The following NFIB variants were observed in gnomAD, a reference collection of about 807,000 sequenced individuals.
NFIB encodes nuclear factor I B.
Under a neutral mutation model 61.5 loss-of-function variants are expected in NFIB, and 11 were observed. The ratio of observed to expected loss-of-function variants is 0.18; its 90% confidence interval spans 0.11 to 0.30. The LOEUF is 0.30. Among genes scored for constraint, NFIB ranks in the 10% least tolerant of loss-of-function variants. The pLI, the probability that NFIB is intolerant of heterozygous loss-of-function variation, is 1.00. For missense variants in NFIB, 471 were observed against 608.9 expected, an observed-to-expected ratio of 0.77 and a Z score of 2.38; for synonymous variants, 260 against 216.5, an observed-to-expected ratio of 1.20 and a Z score of -1.76.
At chr9:14,189,347 C>A (rs1017164372) in intron 2 of NFIB, among the ~76,000 whole-genome samples, 23 of 152,222 alleles carry the variant, frequency 1.5e-4, no homozygotes, top group African/African-American at 5.5e-4. Flanking sequence ...TATCCGGCAA[C>A]TGCCAAGCAC....
the NFIB span, among the ~76,000 whole-genome samples, chr9:14,475,240 G>T: frequency 2.6e-5 from 4 of 152,328 alleles, no homozygotes; most frequent in African/African-American, 7.2e-5. Context: ...ACTTGCCCAT[G>T]GTCACAGAGC....
At position 14,313,426 on chromosome 9, in the gene NFIB, A is replaced by T; in HGVS notation, c.30+56T>A. ...GCCGCTAATTGTCCGCAACAAAACA[A>T]AACAAAGGCATTTCGGGCCAGAGAG... On this transcript the variant is annotated intron_variant, in intron 1 of 10. Transcript: ENST00000380953. This position sits in a 1 kb window ranked among gnomAD's most constrained non-coding sequence, Gnocchi z 4.5. 6.2e-7 allele frequency: 1 copy of T among 1,612,672 alleles called. No homozygotes were observed. Among genetic ancestry groups the T allele is most frequent in the Non-Finnish European group, 8.5e-7 (1 of 1,179,184 alleles).
At chr9:14,502,276 T>C in the NFIB span, among the ~76,000 whole-genome samples, 1 of 152,220 alleles carries the variant, frequency 6.6e-6, no homozygotes, top group Non-Finnish European at 1.5e-5. Context: ...TGTTTATGTA[T>C]AGTTTTTCCA....
chr9:14,513,614 C>T, the NFIB span, among the ~76,000 whole-genome samples: 9 of 130,658 alleles, frequency 6.9e-5, no homozygotes, highest in Middle Eastern at 0.011. Context: ...GGTGACAGAG[C>T]GAGACTCCAT....
intron 2 of NFIB, among the ~76,000 whole-genome samples, chr9:14,275,059 T>C (rs2057901567): frequency 6.6e-6 from 1 of 152,182 alleles, no homozygotes; most frequent in Admixed American, 6.5e-5. Context: ...AGATCTATGA[T>C]AAAATCCAGT....
At chr9:14,221,413 AG>A (rs1287175722) in intron 2 of NFIB, among the ~76,000 whole-genome samples, 1 of 152,234 alleles carries the variant, frequency 6.6e-6, no homozygotes, top group Non-Finnish European at 1.5e-5. Context: ...GCTAGATTTA[AG>A]CCATGAAATA....
intron 2 of NFIB, among the ~76,000 whole-genome samples, chr9:14,272,196 T>TC (rs939892232): frequency 1.4e-4 from 22 of 152,176 alleles, no homozygotes; most frequent in African/African-American, 5.1e-4. Context: ...ACCTCTTTTT[T>TC]CCCCCACATA....
At chr9:14,500,003 AC>A in the NFIB span, among the ~76,000 whole-genome samples, 6 of 151,890 alleles carry the variant, frequency 4.0e-5, no homozygotes, top group South Asian at 1.2e-3. Context: ...CCAGTATAGT[AC>A]CCGTCGGAGA....
At chr9:14,425,242 G>T in the NFIB span, among the ~76,000 whole-genome samples, 8 of 152,166 alleles carry the variant, frequency 5.3e-5, no homozygotes, top group African/African-American at 1.7e-4. Flanking sequence ...CTGCTCTACA[G>T]TGATTCTTAG....
the NFIB span, among the ~76,000 whole-genome samples, chr9:14,454,114 G>T: frequency 6.6e-6 from 1 of 152,128 alleles, no homozygotes; most frequent in Non-Finnish European, 1.5e-5. Context: ...CAAACATATA[G>T]GTAGTGTAAA....
the NFIB span, among the ~76,000 whole-genome samples, chr9:14,487,731 C>T: frequency 6.6e-6 from 1 of 152,350 alleles, no homozygotes; most frequent in African/African-American, 2.4e-5. Context: ...AACGCAGCAG[C>T]CAGCACCATG....
At position 14,183,583 on chromosome 9, in the gene NFIB, T is replaced by C. The variant is rs537754055; in HGVS notation, c.563-3803A>G. Among the ~76,000 whole-genome samples the C allele has an allele frequency of 1.9e-4, 29 of 152,030 alleles. 1 individual carries two copies. In the South Asian group the frequency reaches 5.6e-3, roughly 29 times the overall value. On this transcript the variant is annotated intron_variant, in intron 2 of 10. Coordinates refer to ENST00000380953, the MANE Select transcript of NFIB (RefSeq NM_001190737.2). ...CACACCCAGCTAGTTTTTGTATTTT[T>C]TGGTAGAGACGGGGTTTCACCATGT...
chr9:14,113,456 G>A (rs760141818), intron 9 of NFIB, among the ~76,000 whole-genome samples: 9 of 152,226 alleles, frequency 5.9e-5, no homozygotes, highest in Admixed American at 1.3e-4. Context: ...AATCAATGAT[G>A]GTATATGATT....
chr9:14,463,822 G>A, the NFIB span, among the ~76,000 whole-genome samples: 47,611 of 151,644 alleles, frequency 0.31, 8,010 homozygotes, highest in East Asian at 0.44. Flanking sequence ...CACCAAGCCC[G>A]GCTAATTTTT....
intron 2 of NFIB, among the ~76,000 whole-genome samples, chr9:14,219,406 T>TAAAAAAAAA (rs1554677167): frequency 3.2e-5 from 1 of 30,880 alleles, no homozygotes. Context: ...AAAAAAAAAG[T>TAAAAAAAAA]CTAAGTTGAA....
chr9:14,115,702 C>T (rs1328983108), intron 9 of NFIB, among the ~76,000 whole-genome samples: 1 of 152,128 alleles, frequency 6.6e-6, no homozygotes, highest in African/African-American at 2.4e-5. Flanking sequence ...TCATCTGTTC[C>T]CAACCTTATG....
At chr9:14,103,697 T>C (rs1351421006) in intron 10 of NFIB, among the ~76,000 whole-genome samples, 1 of 152,188 alleles carries the variant, frequency 6.6e-6, no homozygotes, top group Non-Finnish European at 1.5e-5. Context: ...TCTATCGATC[T>C]ATGAGGCTCT....
At chr9:14,501,589 G>A in the NFIB span, among the ~76,000 whole-genome samples, 2 of 152,252 alleles carry the variant, frequency 1.3e-5, no homozygotes, top group South Asian at 4.1e-4. Context: ...GTAATCAATA[G>A]GATATTTCTT....
chr9:14,371,041 G>A (rs1408842317), intron 1 of NFIB, among the ~76,000 whole-genome samples: 1 of 152,208 alleles, frequency 6.6e-6, no homozygotes, highest in East Asian at 1.9e-4. Context: ...GTTGCAGTGA[G>A]CTGAGATTGT....
Sources: gnomAD v4.1 joint callset for allele counts (sites outside exome capture counted in the v4.1 genomes callset) on GRCh38, gnomAD v4.1.1 for gene constraint, Gnocchi (gnomAD v3.1) non-coding constraint, MANE v1.5 for transcripts, NCBI Gene and HGNC (gene_info 2026-07-23, HGNC 2026-07-21) for gene names.